The following SNX24 variants were observed in gnomAD, a reference collection of about 807,000 sequenced individuals.
The protein encoded by SNX24 is sorting nexin 24, also known as sorting nexin-24.
SNX24 carries 22 observed loss-of-function variants against 28.7 expected under a neutral mutation model. That is an observed-to-expected ratio of 0.77 (90% CI 0.55 to 1.10). The LOEUF (loss-of-function observed/expected upper bound fraction) is 1.10. Among genes scored for constraint, SNX24 ranks in the 50% least tolerant of loss-of-function variants. The pLI is 0.00. For missense variants in SNX24, 221 were observed against 201.1 expected, an observed-to-expected ratio of 1.10 and a Z score of -0.60; for synonymous variants, 69 against 71.5, an observed-to-expected ratio of 0.96 and a Z score of 0.18.
At chr5:122,851,816 T>A (rs2150031283) in intron 1 of SNX24, among the ~76,000 whole-genome samples, 1 of 149,902 alleles carries the variant, frequency 6.7e-6, no homozygotes, top group East Asian at 1.9e-4. Context: ...TCCCTGTCTT[T>A]AAAAAAAAAA....
intron 1 of SNX24, among the ~76,000 whole-genome samples, chr5:122,865,470 A>G (rs1198508723): frequency 6.6e-6 from 1 of 152,192 alleles, no homozygotes; most frequent in African/African-American, 2.4e-5. Flanking sequence ...AGCTGGGATT[A>G]CAGGTGCACA....
At chr5:122,956,369 C>T (rs39822) in intron 3 of SNX24, among the ~76,000 whole-genome samples, 882 of 10,284 alleles carry the variant, frequency 0.086, 10 homozygotes, top group African/African-American at 0.4. Flanking sequence ...AAAATATATA[C>T]ACACACACAC....
chr5:122,882,289 C>T (rs947959798), intron 1 of SNX24, among the ~76,000 whole-genome samples: 1 of 152,192 alleles, frequency 6.6e-6, no homozygotes, highest in Admixed American at 6.5e-5. Flanking sequence ...CCAACTGTGG[C>T]TGAATTTAGC....
intron 1 of SNX24, among the ~76,000 whole-genome samples, chr5:122,879,385 G>A (rs77279956): frequency 0.012 from 1,892 of 152,266 alleles, 41 homozygotes; most frequent in African/African-American, 0.044. Flanking sequence ...AGCCCCTGTC[G>A]AGAATACAGT....
intron 5 of SNX24, among the ~76,000 whole-genome samples, chr5:123,017,885 A>G (rs907516818): frequency 2.0e-5 from 3 of 152,114 alleles, no homozygotes; most frequent in African/African-American, 4.8e-5. Flanking sequence ...TAAATTGCCC[A>G]GTCTTGGGTA....
At chr5:122,966,140 A>G (rs946757684) in intron 3 of SNX24, among the ~76,000 whole-genome samples, 2 of 152,242 alleles carry the variant, frequency 1.3e-5, no homozygotes, top group African/African-American at 4.8e-5. Flanking sequence ...TCTGAATCAG[A>G]GTTGACCCTT....
intron 1 of SNX24, among the ~76,000 whole-genome samples, chr5:122,854,144 T>C (rs887039691): frequency 6.6e-6 from 1 of 152,070 alleles, no homozygotes; most frequent in South Asian, 2.1e-4. Flanking sequence ...GAAAGGGAAT[T>C]ATTTTTTCTT....
chr5:122,935,634 T>G (rs1442147025), intron 1 of SNX24, among the ~76,000 whole-genome samples: 1 of 152,226 alleles, frequency 6.6e-6, no homozygotes, highest in Non-Finnish European at 1.5e-5. Context: ...GTTTCTGGAT[T>G]TCTAAAATAG....
chr5:123,000,766 T>G (rs1448409243), intron 4 of SNX24, among the ~76,000 whole-genome samples: 1 of 152,208 alleles, frequency 6.6e-6, no homozygotes, highest in Non-Finnish European at 1.5e-5. Context: ...CATGGCATAC[T>G]GTATCCATTT....
At chr5:122,905,833 C>T (rs969717564) in intron 1 of SNX24, among the ~76,000 whole-genome samples, 5 of 152,032 alleles carry the variant, frequency 3.3e-5, no homozygotes, top group Non-Finnish European at 7.4e-5. Context: ...TTTACCTGAC[C>T]CTGACCATTT....
intron 3 of SNX24, among the ~76,000 whole-genome samples, chr5:122,971,015 G>A (rs1760936582): frequency 6.6e-6 from 1 of 152,188 alleles, no homozygotes; most frequent in Non-Finnish European, 1.5e-5. Flanking sequence ...ATCACAAGGT[G>A]AAGTCTCACG....
chr5:122,945,475 CA>C (rs1285016859), intron 2 of SNX24, among the ~76,000 whole-genome samples: 2 of 152,150 alleles, frequency 1.3e-5, no homozygotes, highest in African/African-American at 4.8e-5. Context: ...ACTGCTGTCC[CA>C]AAAGGCTTAG....
chr5:122,864,407 T>C (rs1755627475), intron 1 of SNX24, among the ~76,000 whole-genome samples: 2 of 152,194 alleles, frequency 1.3e-5, no homozygotes, highest in South Asian at 2.1e-4. Context: ...TCACCTTTCC[T>C]GCTGCCTAGG....
At chr5:122,868,993 C>G (rs558147253) in intron 1 of SNX24, among the ~76,000 whole-genome samples, 1 of 152,182 alleles carries the variant, frequency 6.6e-6, no homozygotes, top group East Asian at 1.9e-4. Context: ...AAATGAGAAA[C>G]GTTTTTACAT....
At chr5:122,975,584 C>CA (rs1208761000) in intron 3 of SNX24, among the ~76,000 whole-genome samples, 1 of 151,862 alleles carries the variant, frequency 6.6e-6, no homozygotes, top group African/African-American at 2.4e-5. Flanking sequence ...AATCCTAAGA[C>CA]AAAAAGACTG....
intron 1 of SNX24, among the ~76,000 whole-genome samples, chr5:122,896,441 C>A (rs1187632699): frequency 1.3e-5 from 2 of 152,198 alleles, no homozygotes; most frequent in African/African-American, 4.8e-5. Context: ...TCTGGCTGGA[C>A]TTAGCTGCAG....
chr5:123,023,925 C>T, intron 5 of SNX24: 2 of 1,614,090 alleles, frequency 1.2e-6, no homozygotes, highest in Non-Finnish European at 1.7e-6. Context: ...TCTATCTTGC[C>T]ACTGTTGATG....
At chr5:122,869,068 C>A (rs528896612) in intron 1 of SNX24, among the ~76,000 whole-genome samples, 242 of 152,260 alleles carry the variant, frequency 1.6e-3, no homozygotes, top group African/African-American at 5.4e-3. Flanking sequence ...AGTGTGCAAC[C>A]AAATTTTTAA....
At chr5:122,870,357 AGAT>A (rs1237659384) in intron 1 of SNX24, among the ~76,000 whole-genome samples, 3 of 152,224 alleles carry the variant, frequency 2.0e-5, no homozygotes, top group Non-Finnish European at 2.9e-5. Context: ...GAACTTCTAC[AGAT>A]GTAAACAGAG....
Sources: gnomAD v4.1 joint callset for allele counts (sites outside exome capture counted in the v4.1 genomes callset) on GRCh38, gnomAD v4.1.1 for gene constraint, MANE v1.5 for transcripts, NCBI Gene and HGNC (gene_info 2026-07-23, HGNC 2026-07-21) for gene names.